PLEKHH2: variants seen among roughly 807,000 people sequenced by gnomAD.
PLEKHH2 encodes the protein pleckstrin homology, MyTH4 and FERM domain containing H2, also known as pleckstrin homology domain-containing family H member 2.
A neutral mutation model predicts 187.9 loss-of-function variants in PLEKHH2; 129 were observed. The observed-to-expected ratio is 0.69, with a 90% CI of 0.59 to 0.79. The LOEUF (loss-of-function observed/expected upper bound fraction) is 0.79. Among genes scored for constraint, PLEKHH2 ranks in the 30% least tolerant of loss-of-function variants. The pLI, the probability that PLEKHH2 is intolerant of heterozygous loss-of-function variation, is 0.00. For synonymous variants in PLEKHH2, 686 were observed against 605.6 expected (o/e 1.13, Z -1.95); for missense variants, 2,076 against 1,751.2 (o/e 1.19, Z -3.31).
intron 3 of PLEKHH2, chr2:43,681,065 A>G (rs1668151561): frequency 3.9e-6 from 5 of 1,277,086 alleles, no homozygotes; most frequent in East Asian, 4.9e-5. Context: ...TATGATTCCA[A>G]TCTACTGTTC....
Position 43,764,246 on chromosome 2 carries a change from G to A in PLEKHH2, c.4177G>A (p.Val1393Met). The A allele has an allele frequency of 6.5e-7, 1 of 1,529,256 alleles. No individual in the cohort carries two copies. The highest frequency in any genetic ancestry group is 8.8e-7 in the Non-Finnish European group (1 of 1,135,586). The allele number at this position is 1,529,256 out of a possible 1,614,324, so 94.7% of individuals were successfully genotyped here. The part of the protein sequence containing the change: ...YNSMRLIVSY[V>M]YKSLMTFGGY... Reference sequence around the variant, plus strand: ...TTTAAAGAGGTTAATAGTCAGCTATGTGTACAAGAGTCTAATGACCTTTGG... The same window carrying A: ...TTTAAAGAGGTTAATAGTCAGCTATATGTACAAGAGTCTAATGACCTTTGG... Residue 1393 changes from valine (V) to methionine (M), a missense_variant, in exon 29 of 30, where the codon GTG (valine) becomes ATG (methionine). Physicochemically the swap from Val to Met is conservative, Grantham distance 21. Transcript: ENST00000282406.
chr2:43,754,194 ACACACAC>A (rs1253323181), intron 25 of PLEKHH2, among the ~76,000 whole-genome samples: 5 of 124,090 alleles, frequency 4.0e-5, no homozygotes, highest in Admixed American at 8.5e-5. Flanking sequence ...ACACACACAC[ACACACAC>A]ACACAAAATT....
chr2:43,700,512 C>G lies in PLEKHH2; in HGVS notation c.1554C>G (p.Asp518Glu). Residue 518 changes from aspartate to glutamate, a missense_variant, in exon 8 of 30, where the codon GAC becomes GAG. Physicochemically the swap from Asp to Glu is conservative, Grantham distance 45. Coordinates refer to ENST00000282406, the MANE Select transcript of PLEKHH2 (RefSeq NM_172069.4). ...GATTATTTTCCTATGACTCCTTGGACTCTCCAAATTCAGATGACCAGGAAC... is the reference window on the plus strand; with the variant it reads ...GATTATTTTCCTATGACTCCTTGGAGTCTCCAAATTCAGATGACCAGGAAC... ...DDGLFSYDSL[D>E]SPNSDDQEHC... 1 of 1,613,996 alleles carries G rather than the reference C, an allele frequency of 6.2e-7. No homozygotes were observed.
At position 43,753,091 on chromosome 2, in the gene PLEKHH2, G is replaced by A. The variant is rs1442740042; in HGVS notation, c.3654-528G>A. On this transcript the variant is annotated intron_variant, in intron 24 of 29. Transcript: ENST00000282406. Reference sequence around the variant, plus strand: ...CAAGGTATTCAGGAAGGATCATGAGGGTTTTGAAGACTGGGTTTATACAGC... The same window carrying A: ...CAAGGTATTCAGGAAGGATCATGAGAGTTTTGAAGACTGGGTTTATACAGC... 2.6e-5 allele frequency among the ~76,000 whole-genome samples: 4 copies of A among 152,224 alleles called. No homozygotes were observed. In the South Asian group the frequency reaches 6.2e-4, roughly 24 times the overall value.
intron 3 of PLEKHH2, chr2:43,680,416 A>T (rs1668109598): frequency 6.4e-6 from 1 of 156,348 alleles, no homozygotes; most frequent in Non-Finnish European, 1.4e-5. Context: ...ATTATGTATC[A>T]ACTAAAAACA....
At chr2:43,734,390 A>T (rs1383325153) in intron 19 of PLEKHH2, among the ~76,000 whole-genome samples, 1 of 152,198 alleles carries the variant, frequency 6.6e-6, no homozygotes, top group Non-Finnish European at 1.5e-5. Flanking sequence ...ATATTAAATC[A>T]TTCAACTCAA....
At chr2:43,643,168 T>C (rs918749932) in intron 1 of PLEKHH2, among the ~76,000 whole-genome samples, 10 of 152,046 alleles carry the variant, frequency 6.6e-5, no homozygotes, top group African/African-American at 2.2e-4. Flanking sequence ...TAATCATAAA[T>C]GCTAATATGG....
intron 19 of PLEKHH2, among the ~76,000 whole-genome samples, chr2:43,737,054 A>G (rs1166538277): frequency 2.0e-5 from 3 of 152,186 alleles, no homozygotes; most frequent in Non-Finnish European, 1.5e-5. Flanking sequence ...TACATTGGAC[A>G]TCAAATAGAG....
At chr2:43,745,393 T>C (rs145605311) in intron 23 of PLEKHH2, among the ~76,000 whole-genome samples, 66 of 152,224 alleles carry the variant, frequency 4.3e-4, no homozygotes, top group African/African-American at 1.5e-3. Context: ...ATTTTGCAAA[T>C]GAGAAAGCTG....
intron 16 of PLEKHH2, among the ~76,000 whole-genome samples, chr2:43,722,058 C>A (rs1670505403): frequency 6.6e-6 from 1 of 151,232 alleles, no homozygotes; most frequent in Non-Finnish European, 1.5e-5. Context: ...CTAATGCCAC[C>A]CTAGGCAACA....
At position 43,765,445 on chromosome 2, in the gene PLEKHH2, C is replaced by T. The variant is rs147063714; in HGVS notation, c.4329C>T (p.Tyr1443=). 4 of 1,614,018 alleles carry T rather than the reference C, an allele frequency of 2.5e-6. No individual in the cohort carries two copies. The highest frequency in any genetic ancestry group is 3.4e-6 in the Non-Finnish European group (4 of 1,180,006). The change falls in exon 30 of 30, where the codon TAC becomes TAT. Residue 1443 remains tyrosine (Y), a synonymous_variant. Transcript: ENST00000282406. ...AAATCACTCTTTTGATCGCCAGTTA[C>T]ATAAACAACTTCCATCAGCAAAAGG... ...ILEITLLIAS[Y]INNFHQQKAA...
At chr2:43,722,255 C>CA (rs5830768) in intron 16 of PLEKHH2, among the ~76,000 whole-genome samples, 5,834 of 123,514 alleles carry the variant, frequency 0.047, 390 homozygotes, top group African/African-American at 0.16. Context: ...GACCCTATCT[C>CA]AAAAAAAAAA....
chr2:43,651,354 A>C (rs1351323213), intron 2 of PLEKHH2, among the ~76,000 whole-genome samples: 2 of 152,308 alleles, frequency 1.3e-5, no homozygotes, highest in Non-Finnish European at 2.9e-5. Context: ...GGCGTGAGCC[A>C]CCGCGCCCGG....
chr2:43,676,162 A>C (rs1365348423), intron 2 of PLEKHH2: 3 of 1,614,064 alleles, frequency 1.9e-6, no homozygotes. Flanking sequence ...TGAAGTGTTT[A>C]AGAAATCGTT....
In PLEKHH2 at chr2:43,734,830, G is replaced by A. The variant is rs560902864; in HGVS notation, c.2943+3228G>A. The stretch of plus-strand genomic sequence containing the variant: ...TATTATAGCACTGTTCACAAGAACC[G>A]ATATATGGAATCAACCTAAGTGTTC... On this transcript the variant is annotated intron_variant, in intron 19 of 29. Transcript: ENST00000282406. Among the ~76,000 whole-genome samples the A allele has an allele frequency of 1.5e-3, 228 of 152,200 alleles. 1 individual carries two copies. Among genetic ancestry groups the A allele is most frequent in the African/African-American group, 5.2e-3 (218 of 41,538 alleles).
intron 2 of PLEKHH2, among the ~76,000 whole-genome samples, chr2:43,670,652 A>C (rs911899649): frequency 6.6e-6 from 1 of 151,092 alleles, no homozygotes; most frequent in African/African-American, 2.4e-5. Context: ...TGCTTAGGCT[A>C]TTCTAGGTCC....
intron 8 of PLEKHH2, among the ~76,000 whole-genome samples, chr2:43,701,412 A>C (rs1452922201): frequency 2.0e-5 from 3 of 152,180 alleles, no homozygotes; most frequent in Non-Finnish European, 4.4e-5. Context: ...GTGGAGAGGG[A>C]TCAGCAGTGT....
chr2:43,722,060 T>C (rs927213306), intron 16 of PLEKHH2, among the ~76,000 whole-genome samples: 2 of 150,200 alleles, frequency 1.3e-5, no homozygotes, highest in Non-Finnish European at 3.0e-5. Flanking sequence ...AATGCCACCC[T>C]AGGCAACATA....
intron 24 of PLEKHH2, among the ~76,000 whole-genome samples, chr2:43,751,282 G>T (rs905944618): frequency 2.6e-5 from 4 of 152,226 alleles, no homozygotes; most frequent in African/African-American, 9.6e-5. Flanking sequence ...ATGACTGGAA[G>T]TTGGACGCCA....
Sources: allele counts gnomAD v4.1 joint callset (sites outside exome capture counted in the v4.1 genomes callset), GRCh38; gene constraint gnomAD v4.1.1; transcripts MANE v1.5; gene names NCBI Gene and HGNC (gene_info 2026-07-23, HGNC 2026-07-21).